The following PSEN1 variants were observed in gnomAD, a reference collection of about 807,000 sequenced individuals.
The protein encoded by PSEN1 is presenilin 1, also known as presenilin-1.
PSEN1 carries 15 observed loss-of-function variants against 53.5 expected under a neutral mutation model. The observed-to-expected ratio is 0.28, with a 90% CI of 0.19 to 0.43. The LOEUF (loss-of-function observed/expected upper bound fraction) is 0.43. Ranked by LOEUF, PSEN1 falls within the 20% of genes least tolerant of loss-of-function variation. PSEN1 has a pLI of 1.00. For missense variants in PSEN1, 387 were observed against 571.2 expected, an observed-to-expected ratio of 0.68 and a Z score of 3.29; for synonymous variants, 208 against 209.8, an observed-to-expected ratio of 0.99 and a Z score of 0.08.
intron 3 of PSEN1, among the ~76,000 whole-genome samples, chr14:73,158,335 T>TC (rs1566623167): frequency 6.6e-6 from 1 of 150,724 alleles, no homozygotes; most frequent in Non-Finnish European, 1.5e-5. Context: ...TATCTATCTA[T>TC]TTTTAAGACG....
At chr14:73,169,391 A>G (rs1041929733) in intron 3 of PSEN1, 1 of 152,048 alleles carries the variant, frequency 6.6e-6, no homozygotes, top group Non-Finnish European at 1.5e-5. Context: ...GAGGCCTGAG[A>G]TTTCATCCAT....
At chr14:73,151,021 T>A (rs1264671145) in intron 3 of PSEN1, among the ~76,000 whole-genome samples, 2 of 151,856 alleles carry the variant, frequency 1.3e-5, no homozygotes, top group African/African-American at 2.4e-5. Flanking sequence ...TGAGCCGAGA[T>A]TGCACCACTG....
chr14:73,215,585 T>G (rs1899880776), intron 10 of PSEN1, among the ~76,000 whole-genome samples: 1 of 151,352 alleles, frequency 6.6e-6, no homozygotes, highest in Non-Finnish European at 1.5e-5. Flanking sequence ...AGAAAATATA[T>G]GCAAATCATA....
At chr14:73,181,680 A>G (rs1276392720) in intron 5 of PSEN1, among the ~76,000 whole-genome samples, 1 of 152,236 alleles carries the variant, frequency 6.6e-6, no homozygotes, top group East Asian at 1.9e-4. Context: ...AGCAGAATGT[A>G]AACAGTACAC....
intron 3 of PSEN1, among the ~76,000 whole-genome samples, chr14:73,153,031 C>CA (rs1401266794): frequency 2.0e-5 from 3 of 152,084 alleles, no homozygotes; most frequent in Non-Finnish European, 4.4e-5. Context: ...GCCTAGGTGA[C>CA]AAAGTGATAC....
rs56754992 is a variant in PSEN1, at chr14:73,151,894, A to AT, written c.87+3823dup. On this transcript the variant is annotated intron_variant, in intron 3 of 11. Coordinates refer to ENST00000324501, the MANE Select transcript of PSEN1 (RefSeq NM_000021.4). ...TAAAATATTTTATATATATATATATATTTTTTTTTTTTTTTTTTTTTTTTT... is the reference window on the plus strand; with the variant it reads ...TAAAATATTTTATATATATATATATATTTTTTTTTTTTTTTTTTTTTTTTTT... Among the ~76,000 whole-genome samples the AT allele has an allele frequency of 1.8e-4, 7 of 38,976 alleles. 1 individual carries two copies. The highest frequency in any genetic ancestry group is 2.4e-4 in the Non-Finnish European group (6 of 24,696). 25.6% of individuals were successfully genotyped at this position (38,976 alleles called of 152,430 possible).
chr14:73,176,313 C>A (rs1457218138), intron 5 of PSEN1, among the ~76,000 whole-genome samples: 2 of 152,194 alleles, frequency 1.3e-5, no homozygotes, highest in Non-Finnish European at 2.9e-5. Flanking sequence ...TTTTTGTCTG[C>A]ACGTGTTTAC....
chr14:73,144,134 G>C (rs991089190), intron 1 of PSEN1, among the ~76,000 whole-genome samples: 1 of 144,512 alleles, frequency 6.9e-6, no homozygotes, highest in Admixed American at 7.2e-5. Flanking sequence ...TCTGCCTCCT[G>C]GGTTCAAGCA....
intron 3 of PSEN1, 54 bp downstream of exon 3, chr14:73,148,160 T>A: frequency 7.5e-7 from 1 of 1,341,392 alleles, no homozygotes; most frequent in Admixed American, 1.8e-5. Flanking sequence ...ACTTATCATC[T>A]CCCCTCACCT....
intron 3 of PSEN1, among the ~76,000 whole-genome samples, chr14:73,151,733 A>G (rs948316508): frequency 2.6e-5 from 4 of 151,110 alleles, no homozygotes; most frequent in Non-Finnish European, 5.9e-5. Flanking sequence ...ACACCTGGCT[A>G]ATTTCTTGTA....
intron 8 of PSEN1, among the ~76,000 whole-genome samples, chr14:73,201,075 TTTTG>T (rs78560838): frequency 0.13 from 19,413 of 150,798 alleles, 1,590 homozygotes; most frequent in African/African-American, 0.24. Flanking sequence ...GAGAATATCT[TTTTG>T]TTTGTTTGTT....
chr14:73,156,451 T>C lies in PSEN1; in HGVS notation c.87+8345T>C, dbSNP rs967622820. Among the ~76,000 whole-genome samples the C allele has an allele frequency of 1.1e-4, 17 of 151,954 alleles. 1 individual carries two copies. The highest frequency in any genetic ancestry group is 4.1e-4 in the South Asian group (2 of 4,830). Reference sequence around the variant, plus strand: ...ACAAATGCAAAAGGCTTCAAGTTCCTATCTTTTAGAAATACATACTAAAAT... The same window carrying C: ...ACAAATGCAAAAGGCTTCAAGTTCCCATCTTTTAGAAATACATACTAAAAT... On this transcript the variant is annotated intron_variant, in intron 3 of 11. Coordinates refer to ENST00000324501, the MANE Select transcript of PSEN1 (RefSeq NM_000021.4).
rs758814165 is a variant in PSEN1 at position 73,198,062 on chromosome 14, A to G, written c.801A>G (p.Pro267=). 2 of 1,612,380 alleles carry G rather than the reference A, an allele frequency of 1.2e-6. No homozygotes were observed. The highest frequency in any genetic ancestry group is 2.2e-5 in the East Asian group (1 of 44,868). ...TGGCTGTTTTGTGTCCGAAAGGTCC[A>G]CTTCGTATGCTGGTTGAAACAGCTC... ...DLVAVLCPKG[P]LRMLVETAQE... is the part of the protein sequence containing the mutation. Residue 267 remains proline, a synonymous_variant, in exon 8 of 12, where the codon CCA becomes CCG. Coordinates refer to ENST00000324501, the MANE Select transcript of PSEN1 (RefSeq NM_000021.4).
rs1467523119 is a variant in PSEN1, at chr14:73,222,254, T to C, written c.*2965T>C. On this transcript the variant is annotated 3_prime_UTR_variant, in exon 12 of 12. Coordinates refer to ENST00000324501, the MANE Select transcript of PSEN1 (RefSeq NM_000021.4). ...TCATAAGTAAGCAATTTGTTGATTTTACTACAGAAGCAACAACTGAAGAGG... is the reference window on the plus strand; with the variant it reads ...TCATAAGTAAGCAATTTGTTGATTTCACTACAGAAGCAACAACTGAAGAGG... 1 of 152,224 alleles carries C rather than the reference T, an allele frequency of 6.6e-6. No homozygotes were observed. The highest frequency in any genetic ancestry group is 2.4e-5 in the African/African-American group (1 of 41,448). 9.4% of individuals were successfully genotyped at this position (152,224 alleles called of 1,614,324 possible). A position where few individuals can be genotyped will look rare whatever the true frequency, so the allele number is the denominator to read the frequency against.
intron 3 of PSEN1, among the ~76,000 whole-genome samples, chr14:73,165,527 C>T (rs1199833127): frequency 1.4e-5 from 2 of 138,614 alleles, no homozygotes; most frequent in Non-Finnish European, 3.1e-5. Context: ...GGGCGGATCA[C>T]CTGAGGTCAG....
intron 10 of PSEN1, 120 bp from the exon 11 acceptor site, chr14:73,217,006 A>G (rs1899944161): frequency 3.6e-6 from 4 of 1,109,666 alleles, no homozygotes; most frequent in South Asian, 2.6e-5. Context: ...CTAATTTTGT[A>G]TATCATTTAC....
At chr14:73,144,899 A>T (rs1321184828) in intron 1 of PSEN1, among the ~76,000 whole-genome samples, 1 of 151,862 alleles carries the variant, frequency 6.6e-6, no homozygotes, top group African/African-American at 2.4e-5. Context: ...TATTTATTTT[A>T]TTTTATTTTT....
In PSEN1 at chr14:73,136,563, C is replaced by T. The variant is rs1896748056; in HGVS notation, c.-156C>T. ...CCTGAGCTACGAGCCGCGGCGGCAG[C>T]GGGGCGGCGGGGAAGCGTATGTGCG... On this transcript the variant is annotated 5_prime_UTR_variant, in exon 1 of 12. Coordinates refer to ENST00000324501, the MANE Select transcript of PSEN1 (RefSeq NM_000021.4). 6.5e-6 allele frequency: 1 copy of T among 153,040 alleles called. No homozygotes were observed. The highest frequency in any genetic ancestry group is 1.5e-5 in the Non-Finnish European group (1 of 68,340). 9.5% of individuals were successfully genotyped at this position (153,040 alleles called of 1,614,324 possible).
In PSEN1 at chr14:73,219,453, C is replaced by A; in HGVS notation, c.*164C>A. The stretch of plus-strand genomic sequence containing the variant: ...TTCCTGACCACCTTGCACTATTGGA[C>A]TTTGGAAGGAGGTGCCTATAGAAAA... On this transcript the variant is annotated 3_prime_UTR_variant, in exon 12 of 12. Coordinates refer to ENST00000324501, the MANE Select transcript of PSEN1 (RefSeq NM_000021.4). 1 of 783,990 alleles carries A rather than the reference C, an allele frequency of 1.3e-6. No individual in the cohort carries two copies. Among genetic ancestry groups the A allele is most frequent in the Non-Finnish European group, 2.2e-6 (1 of 464,450 alleles). The allele number at this position is 783,990 out of a possible 1,614,324, so 48.6% of individuals were successfully genotyped here.
Sources: gnomAD v4.1 joint callset for allele counts (sites outside exome capture counted in the v4.1 genomes callset) on GRCh38, gnomAD v4.1.1 for gene constraint, MANE v1.5 for transcripts, NCBI Gene and HGNC (gene_info 2026-07-23, HGNC 2026-07-21) for gene names.